The following HTR4 variants were observed in gnomAD, a reference collection of about 807,000 sequenced individuals.
The protein encoded by HTR4 is 5-hydroxytryptamine (serotonin) receptor 4, G protein-coupled.
In HTR4, 16 loss-of-function variants were observed where a neutral mutation model predicts 36.8. The ratio of observed to expected loss-of-function variants is 0.43; its 90% CI spans 0.29 to 0.66. The LOEUF (loss-of-function observed/expected upper bound fraction) is 0.66, where lower values mean the gene tolerates loss of function less well. HTR4 is among the 30% of genes least tolerant of loss of function. The pLI is 0.13. For synonymous variants in HTR4, 189 were observed against 185.1 expected, an observed-to-expected ratio of 1.02 and a Z score of -0.17; for missense variants, 438 against 490.9, an observed-to-expected ratio of 0.89 and a Z score of 1.02.
intron 4 of HTR4, among the ~76,000 whole-genome samples, chr5:148,537,075 C>A (rs754596902): frequency 9.9e-5 from 15 of 151,990 alleles, no homozygotes; most frequent in Non-Finnish European, 2.1e-4. Flanking sequence ...GAAGTCAAGG[C>A]TAAGAAAATT....
intron 2 of HTR4, among the ~76,000 whole-genome samples, chr5:148,609,309 G>C (rs185489011): frequency 6.6e-6 from 1 of 152,260 alleles, no homozygotes; most frequent in African/African-American, 2.4e-5. Context: ...TGAGACAAGA[G>C]CTGGGTATCT....
At chr5:148,617,956 G>C (rs1234890764) in intron 2 of HTR4, among the ~76,000 whole-genome samples, 2 of 152,154 alleles carry the variant, frequency 1.3e-5, no homozygotes, top group Non-Finnish European at 2.9e-5. Context: ...AGTCAGCAAG[G>C]CTTAGCTTCA....
chr5:148,464,131 A>G (rs889741166), intron 5 of HTR4, among the ~76,000 whole-genome samples: 3 of 151,922 alleles, frequency 2.0e-5, no homozygotes, highest in Non-Finnish European at 4.4e-5. Context: ...AATAAAAACC[A>G]TGACAATTCT....
At chr5:148,516,571 G>A (rs1241404785) in intron 5 of HTR4, among the ~76,000 whole-genome samples, 1 of 151,332 alleles carries the variant, frequency 6.6e-6, no homozygotes, top group African/African-American at 2.4e-5. Flanking sequence ...GCCCGCCTTG[G>A]CCTCCCAAAG....
chr5:148,558,100 C>T (rs1006877579), intron 2 of HTR4, among the ~76,000 whole-genome samples: 17 of 151,602 alleles, frequency 1.1e-4, no homozygotes, highest in African/African-American at 2.9e-4. Context: ...TTTCACCCTT[C>T]CTGCCCAGCC....
rs371207469 is a variant in HTR4 at position 148,465,046 on chromosome 5, T to C, written c.1077-13774A>G. ...TAAAACTATGGAGAAAATAAAAAGA[T>C]CAATTGTTGCCAGAGGTTGGGGTGG... is the stretch of plus-strand genomic sequence containing the variant. On this transcript the variant is annotated intron_variant, in intron 5 of 5. Transcript: ENST00000521530. Among the ~76,000 whole-genome samples, 49 of 151,952 alleles carry C rather than the reference T, an allele frequency of 3.2e-4. No individual in the cohort carries two copies. In the East Asian group the frequency reaches 8.9e-3, roughly 28 times the overall value.
At chr5:148,500,435 C>A (rs1328704390) in intron 6 of HTR4, among the ~76,000 whole-genome samples, 1 of 151,798 alleles carries the variant, frequency 6.6e-6, no homozygotes, top group East Asian at 1.9e-4. Flanking sequence ...AGCAAGAAAA[C>A]CAGGAAAGTA....
chr5:148,489,371 T>C (rs1756307167), intron 6 of HTR4, among the ~76,000 whole-genome samples: 1 of 152,172 alleles, frequency 6.6e-6, no homozygotes, highest in Non-Finnish European at 1.5e-5. Context: ...TCACTAAATT[T>C]GCACCTTCAT....
chr5:148,508,671 C>T (rs944708025), intron 6 of HTR4, among the ~76,000 whole-genome samples: 4 of 152,154 alleles, frequency 2.6e-5, no homozygotes, highest in Non-Finnish European at 5.9e-5. Context: ...TACCCCAATT[C>T]TAGATTGCCC....
chr5:148,525,044 C>T lies in HTR4; in HGVS notation c.354-1698G>A, dbSNP rs547010186. On this transcript the variant is annotated intron_variant, in intron 4 of 6. Coordinates refer to ENST00000377888, the MANE Select transcript of HTR4 (RefSeq NM_000870.7). ...GGCAAGCTTGGTGGGGTGTCCTGATCTGGGCCAGAGTGCAAGAAACAACAA... is the reference window on the plus strand; with the variant it reads ...GGCAAGCTTGGTGGGGTGTCCTGATTTGGGCCAGAGTGCAAGAAACAACAA... 7.9e-5 allele frequency among the ~76,000 whole-genome samples: 12 copies of T among 152,154 alleles called. No individual in the cohort carries two copies. The South Asian group carries it at 1.0e-3, about 13-fold the overall frequency.
At chr5:148,533,053 T>G (rs1758653628) in intron 4 of HTR4, among the ~76,000 whole-genome samples, 1 of 152,170 alleles carries the variant, frequency 6.6e-6, no homozygotes, top group African/African-American at 2.4e-5. Context: ...TGTGTGCTTT[T>G]CTAAAGAAGC....
chr5:148,451,455 T>G (rs1232698894), intron 5 of HTR4, among the ~76,000 whole-genome samples: 2 of 152,102 alleles, frequency 1.3e-5, no homozygotes, highest in Non-Finnish European at 2.9e-5. Flanking sequence ...GCACCCAGAT[T>G]ACTCATATTA....
intron 5 of HTR4, among the ~76,000 whole-genome samples, chr5:148,458,406 A>G (rs1000838860): frequency 6.6e-6 from 1 of 151,984 alleles, no homozygotes; most frequent in Non-Finnish European, 1.5e-5. Context: ...TGCCTTGGAC[A>G]TATCAGAGTG....
intron 2 of HTR4, among the ~76,000 whole-genome samples, chr5:148,571,794 G>A (rs1264249826): frequency 6.6e-6 from 1 of 152,030 alleles, no homozygotes; most frequent in Non-Finnish European, 1.5e-5. Flanking sequence ...AGGGGCAGAG[G>A]TGGCACACTA....
downstream of HTR4, among the ~76,000 whole-genome samples, chr5:148,479,591 G>A (rs1361614352): frequency 6.6e-6 from 1 of 152,086 alleles, no homozygotes; most frequent in African/African-American, 2.4e-5. Flanking sequence ...TCTGGGAACT[G>A]CATCAAAAAG....
intron 5 of HTR4, among the ~76,000 whole-genome samples, chr5:148,515,006 T>C (rs1328423884): frequency 2.0e-5 from 3 of 152,132 alleles, no homozygotes; most frequent in Non-Finnish European, 4.4e-5. Context: ...CATCTATTCT[T>C]TAAATAATTT....
At chr5:148,574,576 A>G (rs905051536) in intron 2 of HTR4, among the ~76,000 whole-genome samples, 3 of 152,104 alleles carry the variant, frequency 2.0e-5, no homozygotes, top group Non-Finnish European at 2.9e-5. Flanking sequence ...AAAAAGATTA[A>G]TTTGATTCAC....
At chr5:148,579,545 C>T (rs1441922220) in intron 2 of HTR4, among the ~76,000 whole-genome samples, 1 of 151,978 alleles carries the variant, frequency 6.6e-6, no homozygotes, top group Non-Finnish European at 1.5e-5. Flanking sequence ...ATATAACACC[C>T]ATTCATTATC....
At chr5:148,560,162 G>GT (rs1360373303) in intron 2 of HTR4, among the ~76,000 whole-genome samples, 1 of 132,976 alleles carries the variant, frequency 7.5e-6, no homozygotes, top group Non-Finnish European at 1.6e-5. Context: ...CCCAGTTAAC[G>GT]TTTTTTCTTT....
Sources: gnomAD v4.1 joint callset for allele counts (sites outside exome capture counted in the v4.1 genomes callset) on GRCh38, gnomAD v4.1.1 for gene constraint, MANE v1.5 for transcripts, NCBI Gene and HGNC (gene_info 2026-07-23, HGNC 2026-07-21) for gene names.